The following MMGT1 variants were observed in gnomAD, a reference collection of about 807,000 sequenced individuals.
The protein encoded by MMGT1 is membrane magnesium transporter 1.
Under a neutral mutation model 11.7 loss-of-function variants are expected in MMGT1, and 2 were observed. The ratio of observed to expected loss-of-function variants is 0.17; its 90% CI spans 0.07 to 0.54. MMGT1 has a LOEUF of 0.54. Ranked by LOEUF, MMGT1 falls within the 20% of genes least tolerant of loss-of-function variation. The pLI is 0.94. For missense variants in MMGT1, 74 were observed against 109.0 expected, an observed-to-expected ratio of 0.68 and a Z score of 1.43; for synonymous variants, 49 against 44.4, an observed-to-expected ratio of 1.10 and a Z score of -0.41.
At chrX:135,965,462 C>T (rs1217510871) in intron 3 of MMGT1, among the ~76,000 whole-genome samples, 3 of 111,790 alleles carry the variant, frequency 2.7e-5, no homozygotes, top group Non-Finnish European at 3.8e-5. Context: ...AGTGCAGTAG[C>T]ACAATCATAG....
Position 135,964,553 on chromosome X carries a change from C to T in MMGT1, c.*471G>A, listed in dbSNP as rs1368960651. 1 of 112,570 alleles carries T rather than the reference C, an allele frequency of 8.9e-6. No individual in the cohort carries two copies. The highest frequency in any genetic ancestry group is 1.9e-5 in the Non-Finnish European group (1 of 53,349). 9.3% of individuals were successfully genotyped at this position (112,570 alleles called of 1,213,427 possible). A position where few individuals can be genotyped will look rare whatever the true frequency, so the allele number is the denominator to read the frequency against. ...CACTTTTTAGGGGACACAAGAAAAA[C>T]TGTTAAATCACCATTTTGGTCTCAT... On this transcript the variant is annotated 3_prime_UTR_variant, in exon 4 of 4. Transcript: ENST00000305963.
In MMGT1 at chrX:135,962,032, A is replaced by G. The variant is rs1456221654; in HGVS notation, c.*2992T>C. 9.1e-6 allele frequency: 1 copy of G among 110,359 alleles called. No homozygotes were observed. Among genetic ancestry groups the G allele is most frequent in the Non-Finnish European group, 1.9e-5 (1 of 52,836 alleles). 9.1% of individuals were successfully genotyped at this position (110,359 alleles called of 1,213,427 possible). A position where few individuals can be genotyped will look rare whatever the true frequency, so the allele number is the denominator to read the frequency against. ...CAGAAAAGCAGAAGAAATGAGATTA[A>G]AAGTCCAAAAAAAAAAAGCCCAAAA... On this transcript the variant is annotated 3_prime_UTR_variant, in exon 4 of 4. Transcript: ENST00000305963.
Position 135,963,581 on chromosome X carries a change from A to C in MMGT1, c.*1443T>G, listed in dbSNP as rs2089168526. The C allele has an allele frequency of 8.9e-6, 1 of 112,322 alleles. No homozygotes were observed. The highest frequency in any genetic ancestry group is 3.2e-5 in the African/African-American group (1 of 30,831). The allele number at this position is 112,322 out of a possible 1,213,427, so 9.3% of individuals were successfully genotyped here. On this transcript the variant is annotated 3_prime_UTR_variant, in exon 4 of 4. Coordinates refer to ENST00000305963, the MANE Select transcript of MMGT1 (RefSeq NM_173470.3). ...GCAGACAGACTGGGCTGGCGTAACA[A>C]ACCAAAACTAAACAACAATAAAAAC...
At chrX:135,971,907 A>G (rs2089221832) in intron 1 of MMGT1, among the ~76,000 whole-genome samples, 1 of 112,564 alleles carries the variant, frequency 8.9e-6, no homozygotes, top group South Asian at 3.6e-4. Flanking sequence ...ATCATAATAC[A>G]TATCTCAAGT....
At chrX:135,966,396 C>T (rs1052151145) in intron 3 of MMGT1, among the ~76,000 whole-genome samples, 1 of 111,874 alleles carries the variant, frequency 8.9e-6, no homozygotes, top group Non-Finnish European at 1.9e-5. Flanking sequence ...GAGTTCGAGA[C>T]CATCCTGGCC....
intron 2 of MMGT1, among the ~76,000 whole-genome samples, chrX:135,967,740 G>C (rs1318067792): frequency 9.0e-6 from 1 of 111,620 alleles, no homozygotes; most frequent in Non-Finnish European, 1.9e-5. Flanking sequence ...AAATCACTGA[G>C]TACTGAATGG....
intron 3 of MMGT1, 92 bp from the exon 4 acceptor site, chrX:135,965,275 AT>A: frequency 1.5e-6 from 1 of 662,721 alleles, no homozygotes; most frequent in East Asian, 3.3e-5. Context: ...TCAATTTACT[AT>A]GGGTTATATT....
Position 135,961,873 on chromosome X carries a change from CTATTT to C in MMGT1, c.*3146_*3150del, listed in dbSNP as rs1470201686. ...ATAAACATCATCAAGATTATACATT[CTATTT>C]TGACTATTAAAAACATAAAACTGCA... On this transcript the variant is annotated 3_prime_UTR_variant, in exon 4 of 4. Coordinates refer to ENST00000305963, the MANE Select transcript of MMGT1 (RefSeq NM_173470.3). Among the ~76,000 whole-genome samples the C allele has an allele frequency of 2.7e-5, 3 of 111,412 alleles. No individual in the cohort carries two copies. The highest frequency in any genetic ancestry group is 3.7e-4 in the South Asian group (1 of 2,715).
chrX:135,968,535 G>GTGTGTT (rs1280321929), intron 2 of MMGT1, among the ~76,000 whole-genome samples: 2 of 105,907 alleles, frequency 1.9e-5, no homozygotes, highest in Middle Eastern at 4.8e-3. Flanking sequence ...GTGTGTGTGT[G>GTGTGTT]TGTTTTCTTT....
chrX:135,967,000 T>C (rs2089190281), intron 3 of MMGT1, among the ~76,000 whole-genome samples: 1 of 90,201 alleles, frequency 1.1e-5, no homozygotes, highest in South Asian at 5.3e-4. Context: ...GACAAGAGGA[T>C]AGAAAGAGGA....
chrX:135,966,375 C>T (rs1556611952), intron 3 of MMGT1, among the ~76,000 whole-genome samples: 3 of 112,079 alleles, frequency 2.7e-5, no homozygotes, highest in African/African-American at 9.7e-5. Flanking sequence ...GGGTGGATCA[C>T]TTCAGGTCAG....
Position 135,973,952 on chromosome X carries a change from G to C in MMGT1, c.-277C>G. The C allele has an allele frequency of 2.7e-6, 3 of 1,103,898 alleles. No homozygotes were observed. Among genetic ancestry groups the C allele is most frequent in the Non-Finnish European group, 3.6e-6 (3 of 834,300 alleles). 91.0% of individuals were successfully genotyped at this position (1,103,898 alleles called of 1,213,427 possible). The stretch of plus-strand genomic sequence containing the variant: ...GCCGGAGCCCAACGGAGTCATAAAC[G>C]AAGAGGCGAAAGCGGGAGCTACGGG... On this transcript the variant is annotated 5_prime_UTR_variant, in exon 1 of 4. Coordinates refer to ENST00000305963, the MANE Select transcript of MMGT1 (RefSeq NM_173470.3).
At chrX:135,969,057 G>A (rs373243474) in intron 2 of MMGT1, among the ~76,000 whole-genome samples, 8 of 110,489 alleles carry the variant, frequency 7.2e-5, no homozygotes, top group Admixed American at 2.9e-4. Context: ...GAGCAAAAAC[G>A]CAGAATGTTT....
intron 3 of MMGT1, among the ~76,000 whole-genome samples, chrX:135,967,054 G>T (rs1010641119): frequency 9.2e-6 from 1 of 108,122 alleles, no homozygotes; most frequent in Non-Finnish European, 1.9e-5. Flanking sequence ...GGGAAGGGAG[G>T]GGGGAAGAAA....
In MMGT1 at chrX:135,963,186, T is replaced by C. The variant is rs937963568; in HGVS notation, c.*1838A>G. The stretch of plus-strand genomic sequence containing the variant: ...CTGCTCAAGGGTACAGGGTTTCTTT[T>C]TGGGGTAACGAAATGTTCTAAAATT... On this transcript the variant is annotated 3_prime_UTR_variant, in exon 4 of 4. Coordinates refer to ENST00000305963, the MANE Select transcript of MMGT1 (RefSeq NM_173470.3). 9.0e-6 allele frequency: 1 copy of C among 111,585 alleles called. No homozygotes were observed. The highest frequency in any genetic ancestry group is 1.9e-5 in the Non-Finnish European group (1 of 53,136). 9.2% of individuals were successfully genotyped at this position (111,585 alleles called of 1,213,427 possible). A position where few individuals can be genotyped will look rare whatever the true frequency, so the allele number is the denominator to read the frequency against.
chrX:135,971,460 A>G (rs944631436), intron 1 of MMGT1, among the ~76,000 whole-genome samples: 8 of 112,409 alleles, frequency 7.1e-5, no homozygotes, highest in African/African-American at 2.3e-4. Context: ...TAAAATGGGT[A>G]AGAGTGACAA....
chrX:135,963,727 C>T lies in MMGT1; in HGVS notation c.*1297G>A, dbSNP rs1166722627. ...GTACAATGGCATCTTATGACTCATGCCTAAAGCACATTTCCTTTTCAAACC... is the reference window on the plus strand; with the variant it reads ...GTACAATGGCATCTTATGACTCATGTCTAAAGCACATTTCCTTTTCAAACC... On this transcript the variant is annotated 3_prime_UTR_variant, in exon 4 of 4. Coordinates refer to ENST00000305963, the MANE Select transcript of MMGT1 (RefSeq NM_173470.3). 1.8e-5 allele frequency: 2 copies of T among 112,347 alleles called. No homozygotes were observed. Among genetic ancestry groups the T allele is most frequent in the East Asian group, 5.6e-4 (2 of 3,573 alleles). 9.3% of individuals were successfully genotyped at this position (112,347 alleles called of 1,213,427 possible).
In MMGT1 at chrX:135,965,177, A is replaced by G; in HGVS notation, c.243T>C (p.Phe81=). The G allele has an allele frequency of 8.3e-7, 1 of 1,199,581 alleles. No individual in the cohort carries two copies. The highest frequency in any genetic ancestry group is 1.1e-6 in the Non-Finnish European group (1 of 886,528). The change falls in exon 4 of 4, where the codon TTT becomes TTC. Residue 81 remains phenylalanine (F), a synonymous_variant. Transcript: ENST00000305963. ...AGGATGGGTGATTCCTTAACGTATCAAATGTCCTTGAAAGAAGAAAAAAGC... is the reference window on the plus strand; with the variant it reads ...AGGATGGGTGATTCCTTAACGTATCGAATGTCCTTGAAAGAAGAAAAAAGC... ...DATSELKNKT[F]DTLRNHPSFY... is the part of the protein sequence containing the mutation.
At chrX:135,966,914 C>G (rs1309963785) in intron 3 of MMGT1, among the ~76,000 whole-genome samples, 1 of 110,861 alleles carries the variant, frequency 9.0e-6, no homozygotes, top group African/African-American at 3.3e-5. Flanking sequence ...GGCCTGGGAG[C>G]AGAGCTTATC....
Sources: allele counts gnomAD v4.1 joint callset (sites outside exome capture counted in the v4.1 genomes callset), GRCh38; gene constraint gnomAD v4.1.1; transcripts MANE v1.5; gene names NCBI Gene and HGNC (gene_info 2026-07-23, HGNC 2026-07-21).